Variants in PHKA1 observed in about 807,000 individuals in gnomAD.
PHKA1 encodes the protein phosphorylase kinase regulatory subunit alpha 1.
A neutral mutation model predicts 110.2 loss-of-function variants in PHKA1; 60 were observed. The observed-to-expected ratio is 0.54, with a 90% CI of 0.44 to 0.68. The LOEUF (loss-of-function observed/expected upper bound fraction) is 0.68. Among genes scored for constraint, PHKA1 ranks in the 30% least tolerant of loss-of-function variants. The pLI is 0.00. For missense variants in PHKA1, 801 were observed against 942.5 expected (o/e 0.85, Z 1.97); for synonymous variants, 316 against 333.6 (o/e 0.95, Z 0.58).
At chrX:72,681,131 C>T (rs2053854336) in intron 5 of PHKA1, among the ~76,000 whole-genome samples, 1 of 84,630 alleles carries the variant, frequency 1.2e-5, no homozygotes, top group Admixed American at 1.3e-4. Flanking sequence ...AGCGTCTCTG[C>T]CCGGCCGCCC....
chrX:72,688,184 A>G (rs1174632726), intron 4 of PHKA1, among the ~76,000 whole-genome samples: 1 of 111,744 alleles, frequency 8.9e-6, no homozygotes, highest in Non-Finnish European at 1.9e-5. Context: ...GTGTAACTTT[A>G]TAATTAAAAA....
At chrX:72,656,292 T>C (rs1556301449) in intron 9 of PHKA1, 50 bp from the exon 10 acceptor site, 10 of 1,158,130 alleles carry the variant, frequency 8.6e-6, no homozygotes, top group Non-Finnish European at 1.2e-5. Flanking sequence ...TAGATGTATA[T>C]CTTTAGCTCA....
chrX:72,619,260 G>C lies in PHKA1; in HGVS notation c.2183C>G (p.Pro728Arg), dbSNP rs1556273879. 1 of 1,196,468 alleles carries C rather than the reference G, an allele frequency of 8.4e-7. No individual in the cohort carries two copies. Among genetic ancestry groups the C allele is most frequent in the East Asian group, 3.0e-5 (1 of 33,708 alleles). The change falls in exon 20 of 32, where the codon CCT (proline) becomes CGT (arginine). Residue 728 changes from proline (P) to arginine (R), a missense_variant. Pro to Arg is a moderately radical substitution (Grantham distance 103). Transcript: ENST00000373542. ...AGGTGAATCAAGTAAGTTGAATGAA[G>C]GCCGGGAAGCCTGAAATAACTTCGT... is the stretch of plus-strand genomic sequence containing the variant. ...LPTKLFQASR[P>R]SFNLLDSPHP...
rs1556228965 is a variant in PHKA1 at position 72,593,365 on chromosome X, C to G, written c.3073-91G>C. The G allele has an allele frequency of 6.1e-6, 4 of 658,370 alleles. No homozygotes were observed. The Admixed American group carries it at 1.1e-4, about 17-fold the overall frequency. The allele number at this position is 658,370 out of a possible 1,213,427, so 54.3% of individuals were successfully genotyped here. A position where few individuals can be genotyped will look rare whatever the true frequency, so the allele number is the denominator to read the frequency against. On this transcript the variant is annotated intron_variant, in intron 28 of 31. Coordinates refer to ENST00000373542, the MANE Select transcript of PHKA1 (RefSeq NM_002637.4). ...ACTTTTTTTTTTTTTGAGATGGAGT[C>G]TCGCTCTGTCGCCCAGGCTGGAGTG...
At chrX:72,673,138 G>C (rs2053728520) in intron 6 of PHKA1, among the ~76,000 whole-genome samples, 1 of 110,388 alleles carries the variant, frequency 9.1e-6, no homozygotes, top group Non-Finnish European at 1.9e-5. Flanking sequence ...AAATTTGAAT[G>C]GGCTATATCA....
At chrX:72,649,735 TGTAATCCCAGTACTTTG>T (rs1696574310) in intron 13 of PHKA1, among the ~76,000 whole-genome samples, 1 of 111,266 alleles carries the variant, frequency 9.0e-6, no homozygotes, top group South Asian at 3.9e-4. Flanking sequence ...GGCTCGCGCC[TGTAATCCCAGTACTTTG>T]GGAGGCCGAG....
rs956000685 is a variant in PHKA1, at chrX:72,606,132, C to T, written c.2607-513G>A. Reference sequence around the variant, plus strand: ...TCTTTTGGCTGGGAACATTTCAAGTCCTCTCTTCTAGTTATTTTGAAATAT... The same window carrying T: ...TCTTTTGGCTGGGAACATTTCAAGTTCTCTCTTCTAGTTATTTTGAAATAT... On this transcript the variant is annotated intron_variant, in intron 23 of 31. Transcript: ENST00000373542. Among the ~76,000 whole-genome samples the T allele has an allele frequency of 2.7e-5, 3 of 111,339 alleles. No individual in the cohort carries two copies. The East Asian group carries it at 8.5e-4, about 31-fold the overall frequency.
chrX:72,595,450 G>A (rs908053157), intron 28 of PHKA1, among the ~76,000 whole-genome samples: 1 of 111,079 alleles, frequency 9.0e-6, no homozygotes, highest in Non-Finnish European at 1.9e-5. Flanking sequence ...GAACCAGGGA[G>A]ATTAAGTAAG....
intron 5 of PHKA1, among the ~76,000 whole-genome samples, chrX:72,680,733 C>G (rs1556314179): frequency 1.0e-5 from 1 of 97,687 alleles, no homozygotes; most frequent in Non-Finnish European, 2.0e-5. Context: ...GAGCCGCTGC[C>G]GCGACCGACC....
In PHKA1 at chrX:72,580,024, C is replaced by T. The variant is rs1333361560; in HGVS notation, c.*978G>A. On this transcript the variant is annotated 3_prime_UTR_variant, in exon 32 of 32. Transcript: ENST00000373542. ...TGTATTTATCTTTGCTGAATACAGA[C>T]GCTTCAAATTATTGTCTGTGTTGTG... 2.7e-5 allele frequency: 3 copies of T among 111,298 alleles called. No homozygotes were observed. Among genetic ancestry groups the T allele is most frequent in the African/African-American group, 9.8e-5 (3 of 30,612 alleles). The allele number at this position is 111,298 out of a possible 1,213,427, so 9.2% of individuals were successfully genotyped here.
intron 14 of PHKA1, among the ~76,000 whole-genome samples, chrX:72,642,229 A>G (rs1160185420): frequency 8.9e-6 from 1 of 111,750 alleles, no homozygotes; most frequent in East Asian, 2.8e-4. Flanking sequence ...TTTGTTGGAG[A>G]GACCTGATGT....
At position 72,580,931 on chromosome X, in the gene PHKA1, A is replaced by T; in HGVS notation, c.*71T>A. 3.2e-6 allele frequency: 3 copies of T among 947,197 alleles called. No homozygotes were observed. The highest frequency in any genetic ancestry group is 6.4e-5 in the East Asian group (2 of 31,178). 78.1% of individuals were successfully genotyped at this position (947,197 alleles called of 1,213,427 possible). On this transcript the variant is annotated 3_prime_UTR_variant, in exon 32 of 32. Coordinates refer to ENST00000373542, the MANE Select transcript of PHKA1 (RefSeq NM_002637.4). The stretch of plus-strand genomic sequence containing the variant: ...TGGAGTGATTAGGCAATAACATTTT[A>T]GTTCCATGCACAATCAACCGAGGCA...
intron 16 of PHKA1, among the ~76,000 whole-genome samples, chrX:72,630,297 G>A (rs989071963): frequency 2.2e-5 from 2 of 89,194 alleles, no homozygotes; most frequent in Non-Finnish European, 4.2e-5. Flanking sequence ...GGGGGTGGGG[G>A]AGAGAGAGAG....
At chrX:72,638,365 G>C (rs4825956) in intron 14 of PHKA1, among the ~76,000 whole-genome samples, 7,080 of 96,135 alleles carry the variant, frequency 0.074, 828 homozygotes, top group East Asian at 0.67. Context: ...CACAGTGAGA[G>C]CTTCTCTCAA....
intron 6 of PHKA1, among the ~76,000 whole-genome samples, chrX:72,671,540 C>T (rs1250388998): frequency 9.0e-6 from 1 of 111,487 alleles, no homozygotes; most frequent in Non-Finnish European, 1.9e-5. Context: ...CAATGCCATC[C>T]CCATCAAGCT....
intron 15 of PHKA1, among the ~76,000 whole-genome samples, chrX:72,635,910 C>T (rs1031841030): frequency 1.3e-4 from 14 of 111,575 alleles, no homozygotes; most frequent in African/African-American, 3.3e-4. Flanking sequence ...AAGGGCCCTT[C>T]CTCCAAACAA....
At chrX:72,591,945 T>C (rs1219087843) in intron 29 of PHKA1, among the ~76,000 whole-genome samples, 1 of 112,378 alleles carries the variant, frequency 8.9e-6, no homozygotes, top group Non-Finnish European at 1.9e-5. Flanking sequence ...TAGCTAAGCA[T>C]CCCATCCCTT....
At chrX:72,697,120 G>A (rs1265218544) in intron 3 of PHKA1, 1 of 111,590 alleles carries the variant, frequency 9.0e-6, no homozygotes, top group African/African-American at 3.3e-5. Flanking sequence ...CGCTTCTAAC[G>A]GGGAAGATGA....
At chrX:72,587,717 A>C (rs2052454154) in intron 29 of PHKA1, among the ~76,000 whole-genome samples, 1 of 111,524 alleles carries the variant, frequency 9.0e-6, no homozygotes, top group Non-Finnish European at 1.9e-5. Flanking sequence ...ACATAGGCTC[A>C]AAATAAAGGG....
Sources: allele counts gnomAD v4.1 joint callset (sites outside exome capture counted in the v4.1 genomes callset), GRCh38; gene constraint gnomAD v4.1.1; transcripts MANE v1.5; gene names NCBI Gene and HGNC (gene_info 2026-07-23, HGNC 2026-07-21).